PLA2R1: variants seen among roughly 807,000 people sequenced by gnomAD.
The protein encoded by PLA2R1 is phospholipase A2 receptor 1, also known as secretory phospholipase A2 receptor.
Under a neutral mutation model 195.9 loss-of-function variants are expected in PLA2R1, and 158 were observed. That is an observed-to-expected ratio of 0.81 (90% CI 0.71 to 0.92). PLA2R1 has a LOEUF of 0.92. Among genes scored for constraint, PLA2R1 ranks in the 40% least tolerant of loss-of-function variants. The pLI, the probability that PLA2R1 is intolerant of heterozygous loss-of-function variation, is 0.00. For missense variants in PLA2R1, 1,626 were observed against 1,764.6 expected, an observed-to-expected ratio of 0.92 and a Z score of 1.41; for synonymous variants, 586 against 598.2, an observed-to-expected ratio of 0.98 and a Z score of 0.30.
At chr2:160,000,408 GA>G (rs1179433702) in intron 11 of PLA2R1, among the ~76,000 whole-genome samples, 2 of 152,204 alleles carry the variant, frequency 1.3e-5, no homozygotes, top group African/African-American at 4.8e-5. Flanking sequence ...ACCTCAGTCA[GA>G]GCTTTTAAAG....
rs369771988 is a variant in PLA2R1 at position 159,949,775 on chromosome 2, T to C, written c.3542A>G (p.Asn1181Ser). 37 of 1,612,738 alleles carry C rather than the reference T, an allele frequency of 2.3e-5. No homozygotes were observed. The highest frequency in any genetic ancestry group is 3.1e-5 in the Non-Finnish European group (37 of 1,179,002). ...ATCAGACCAGTCAAAATTAAGACCA[T>C]TCTGTGGAGGAAAACTGAGCCATCA... is the stretch of plus-strand genomic sequence containing the variant. ...AHWIGLFTTD[N>S]GLNFDWSDGT... Residue 1181 changes from asparagine to serine, a missense_variant and splice_region_variant, in exon 25 of 30, where the codon AAT becomes AGT. Asn to Ser is a conservative substitution (Grantham distance 46). Coordinates refer to ENST00000283243, the MANE Select transcript of PLA2R1 (RefSeq NM_007366.5).
At chr2:159,927,280 C>A (rs1686517910), downstream of PLA2R1, among the ~76,000 whole-genome samples, 1 of 152,178 alleles carries the variant, frequency 6.6e-6, no homozygotes, top group Non-Finnish European at 1.5e-5. Context: ...AAAAAAGACT[C>A]TTTTAAAGTT....
intron 11 of PLA2R1, among the ~76,000 whole-genome samples, chr2:160,005,421 C>T (rs570074708): frequency 4.0e-5 from 6 of 151,602 alleles, no homozygotes; most frequent in South Asian, 4.2e-4. Flanking sequence ...GGTGACAGAG[C>T]GAGACCTCGT....
chr2:159,977,434 C>A lies in PLA2R1; in HGVS notation c.2269-18G>T. On this transcript the variant is annotated intron_variant, in intron 14 of 29. Transcript: ENST00000283243. ...GAGACAACCTGCAGCAGATGAAGTT[C>A]ATTATTCCTTAATGATGATCCCCCC... is the stretch of plus-strand genomic sequence containing the variant. The A allele has an allele frequency of 1.2e-6, 2 of 1,611,104 alleles. No individual in the cohort carries two copies. The highest frequency in any genetic ancestry group is 2.2e-5 in the South Asian group (2 of 90,894).
intron 14 of PLA2R1, 43 bp from the exon 15 acceptor site, chr2:159,977,459 CA>C: frequency 6.3e-7 from 1 of 1,596,394 alleles, no homozygotes; most frequent in Non-Finnish European, 8.6e-7. Flanking sequence ...ATGATCCCCC[CA>C]CAAAGTTTCA....
intron 20 of PLA2R1, among the ~76,000 whole-genome samples, chr2:159,961,832 G>T (rs1256539978): frequency 2.0e-5 from 3 of 152,094 alleles, no homozygotes; most frequent in African/African-American, 7.2e-5. Context: ...ATAGCAAAAG[G>T]CTGAACCAGA....
chr2:159,967,704 G>A (rs1414257317), intron 19 of PLA2R1, 26 bp from the exon 20 acceptor site: 1 of 1,607,052 alleles, frequency 6.2e-7, no homozygotes, highest in African/African-American at 1.3e-5. Context: ...GGTTAGAAAT[G>A]GCTTAGGAAC....
At chr2:160,040,978 A>G (rs1002482169) in intron 3 of PLA2R1, among the ~76,000 whole-genome samples, 7 of 152,150 alleles carry the variant, frequency 4.6e-5, no homozygotes, top group Non-Finnish European at 1.5e-5. Context: ...CCTACATTTT[A>G]TGTCTGAGGA....
At chr2:160,006,311 A>T (rs917558383) in intron 10 of PLA2R1, among the ~76,000 whole-genome samples, 1 of 152,246 alleles carries the variant, frequency 6.6e-6, no homozygotes, top group African/African-American at 2.4e-5. Context: ...CTGGTGAGAA[A>T]GAAACAGAAA....
intron 2 of PLA2R1, among the ~76,000 whole-genome samples, chr2:160,043,999 T>C (rs987046471): frequency 6.6e-6 from 1 of 152,102 alleles, no homozygotes; most frequent in Admixed American, 6.5e-5. Flanking sequence ...GAATGTGGGG[T>C]GGATTTGTTA....
At position 159,945,122 on chromosome 2, in the gene PLA2R1, G is replaced by C. The variant is rs371999200; in HGVS notation, c.3968-40C>G. The C allele has an allele frequency of 5.8e-5, 85 of 1,457,922 alleles. 1 individual carries two copies. The African/African-American group carries it at 1.2e-3, about 20-fold the overall frequency. The allele number at this position is 1,457,922 out of a possible 1,614,324, so 90.3% of individuals were successfully genotyped here. On this transcript the variant is annotated intron_variant, in intron 27 of 29. Coordinates refer to ENST00000283243, the MANE Select transcript of PLA2R1 (RefSeq NM_007366.5). Reference sequence around the variant, plus strand: ...CTGACTCATTATGAATTATGTGCATGGTTATCAAACATACTAAGACTGGAA... The same window carrying C: ...CTGACTCATTATGAATTATGTGCATCGTTATCAAACATACTAAGACTGGAA...
Position 159,993,995 on chromosome 2 carries a change from C to CT in PLA2R1, c.1835-6638dup, listed in dbSNP as rs576664623. Among the ~76,000 whole-genome samples, 12 of 151,972 alleles carry CT rather than the reference C, an allele frequency of 7.9e-5. No homozygotes were observed. The East Asian group carries it at 1.4e-3, about 17-fold the overall frequency. ...TAAAAGGAATTAGCTTTTTATAGGA[C>CT]TATCCCAGCTATAAGTGAAGAAACC... On this transcript the variant is annotated intron_variant, in intron 11 of 29. Coordinates refer to ENST00000283243, the MANE Select transcript of PLA2R1 (RefSeq NM_007366.5).
At chr2:159,930,372 C>T (rs973264259), downstream of PLA2R1, among the ~76,000 whole-genome samples, 6 of 150,330 alleles carry the variant, frequency 4.0e-5, no homozygotes, top group African/African-American at 1.5e-4. Context: ...TGTGCCACTA[C>T]ACTCCAGCCT....
intron 11 of PLA2R1, among the ~76,000 whole-genome samples, chr2:159,990,955 T>G (rs1558869851): frequency 6.6e-6 from 1 of 151,952 alleles, no homozygotes; most frequent in Non-Finnish European, 1.5e-5. Flanking sequence ...GAGACAGGCA[T>G]TAGTGCCTGA....
At chr2:159,976,430 C>T (rs1353845002) in intron 16 of PLA2R1, among the ~76,000 whole-genome samples, 3 of 152,056 alleles carry the variant, frequency 2.0e-5, no homozygotes, top group African/African-American at 4.8e-5. Context: ...AAGATACCTT[C>T]ACTAGTATTA....
chr2:160,027,084 C>T (rs905612640), intron 6 of PLA2R1, among the ~76,000 whole-genome samples: 1 of 152,164 alleles, frequency 6.6e-6, no homozygotes, highest in African/African-American at 2.4e-5. Flanking sequence ...GAGCCAAGAT[C>T]GTGCCATTGC....
intron 1 of PLA2R1, among the ~76,000 whole-genome samples, chr2:160,055,713 T>C (rs1229930428): frequency 6.6e-6 from 1 of 152,176 alleles, no homozygotes; most frequent in Non-Finnish European, 1.5e-5. Context: ...TAACCCTTCT[T>C]CATCTGTAAA....
At chr2:159,964,654 G>A (rs1359985941) in intron 20 of PLA2R1, among the ~76,000 whole-genome samples, 3 of 152,042 alleles carry the variant, frequency 2.0e-5, no homozygotes, top group African/African-American at 2.4e-5. Context: ...ATATCTCATG[G>A]TGCCACTGAG....
At chr2:159,977,618 C>T (rs1055236355) in intron 14 of PLA2R1, among the ~76,000 whole-genome samples, 1 of 151,934 alleles carries the variant, frequency 6.6e-6, no homozygotes, top group Non-Finnish European at 1.5e-5. Context: ...CTTAAAGATG[C>T]CTTTTTAAAA....
Sources: gnomAD v4.1 joint callset for allele counts (sites outside exome capture counted in the v4.1 genomes callset) on GRCh38, gnomAD v4.1.1 for gene constraint, MANE v1.5 for transcripts, NCBI Gene and HGNC (gene_info 2026-07-23, HGNC 2026-07-21) for gene names.